WDR72: variants seen among roughly 807,000 people sequenced by gnomAD.
WDR72 encodes WD repeat-containing protein 72.
Under a neutral mutation model 124.2 loss-of-function variants are expected in WDR72, and 120 were observed. The observed-to-expected ratio is 0.97, with a 90% confidence interval of 0.83 to 1.12. The LOEUF (loss-of-function observed/expected upper bound fraction) is 1.12, where lower values mean the gene tolerates loss of function less well. WDR72 is among the 50% of genes most tolerant of loss of function. The pLI is 0.00. For synonymous variants in WDR72, 452 were observed against 441.7 expected (o/e 1.02, Z -0.29); for missense variants, 1,387 against 1,278.8 (o/e 1.08, Z -1.29).
chr15:53,525,511 G>T (rs1892064729), intron 18 of WDR72, among the ~76,000 whole-genome samples: 1 of 151,906 alleles, frequency 6.6e-6, no homozygotes, highest in Non-Finnish European at 1.5e-5. Flanking sequence ...TAAATATTCA[G>T]AAGATACTGT....
At chr15:53,750,272 G>A (rs757628439) in intron 1 of WDR72, among the ~76,000 whole-genome samples, 5 of 152,058 alleles carry the variant, frequency 3.3e-5, no homozygotes, top group Non-Finnish European at 5.9e-5. Context: ...CAATTCTAGG[G>A]CCCTTAAGAA....
intron 14 of WDR72, among the ~76,000 whole-genome samples, chr15:53,647,013 A>C (rs1441633722): frequency 6.6e-6 from 1 of 152,148 alleles, no homozygotes; most frequent in Non-Finnish European, 1.5e-5. Context: ...AAAGGTAAGG[A>C]CACTATTAGT....
chr15:53,631,022 A>G (rs1382621062), intron 14 of WDR72, among the ~76,000 whole-genome samples: 1 of 152,258 alleles, frequency 6.6e-6, no homozygotes, highest in Non-Finnish European at 1.5e-5. Context: ...GTTGTAGTAC[A>G]CAATATCAAT....
chr15:53,759,082 C>T (rs898736), intron 1 of WDR72, among the ~76,000 whole-genome samples: 76,056 of 151,864 alleles, frequency 0.5, 20,498 homozygotes, highest in Middle Eastern at 0.67. Flanking sequence ...GTTTCGCCAG[C>T]CCCCGTCCCC....
intron 7 of WDR72, among the ~76,000 whole-genome samples, chr15:53,712,064 A>T (rs2017554810): frequency 6.6e-6 from 1 of 152,220 alleles, no homozygotes; most frequent in African/African-American, 2.4e-5. Flanking sequence ...AAGTAGAAAA[A>T]GTAAAACATC....
chr15:53,629,199 AGAGAGAGAGAGAGT>A (rs910969921), intron 14 of WDR72, among the ~76,000 whole-genome samples: 10 of 148,346 alleles, frequency 6.7e-5, no homozygotes, highest in East Asian at 1.9e-4. Context: ...AGCGAGAGAG[AGAGAGAGAGAGAGT>A]GAGAGAGAGA....
chr15:53,699,762 C>G lies in WDR72; in HGVS notation c.1753G>C (p.Glu585Gln). The stretch of plus-strand genomic sequence containing the variant: ...AATTTCAACTTACCTGTTTCAATTT[C>G]CCAGATATAAACTGAGTCATCTGCA... Reference protein sequence around the residue: ...GCADDSVYIWEIETGTLERHE... With the variant: ...GCADDSVYIWQIETGTLERHE... Residue 585 changes from glutamate (E) to glutamine (Q), a missense_variant, in exon 13 of 20, where the codon GAA becomes CAA. Physicochemically the swap from Glu to Gln is conservative, Grantham distance 29. Transcript: ENST00000360509. 6.2e-7 allele frequency: 1 copy of G among 1,614,082 alleles called. No individual in the cohort carries two copies. The highest frequency in any genetic ancestry group is 8.5e-7 in the Non-Finnish European group (1 of 1,179,992).
At chr15:53,698,287 T>A (rs1595858374) in intron 13 of WDR72, among the ~76,000 whole-genome samples, 1 of 152,230 alleles carries the variant, frequency 6.6e-6, no homozygotes, top group Admixed American at 6.5e-5. Flanking sequence ...TTATTTATTC[T>A]TGCTGGATTC....
intron 14 of WDR72, among the ~76,000 whole-genome samples, chr15:53,650,037 C>A (rs572086816): frequency 4.6e-5 from 7 of 152,090 alleles, no homozygotes; most frequent in Non-Finnish European, 7.4e-5. Context: ...TGGAAATAAT[C>A]TAAAAGTTCA....
Position 53,523,239 on chromosome 15 carries a change from A to G in WDR72, c.3232T>C (p.Leu1078=). The G allele has an allele frequency of 6.2e-7, 1 of 1,613,122 alleles. No individual in the cohort carries two copies. The highest frequency in any genetic ancestry group is 1.1e-5 in the South Asian group (1 of 91,064). The change falls in exon 19 of 20, where the codon TTG becomes CTG. Residue 1078 remains leucine, a synonymous_variant. Coordinates refer to ENST00000360509, the MANE Select transcript of WDR72 (RefSeq NM_182758.4). The part of the protein sequence containing the change: ...DVEDMPDRCA[L]EESESPGEPR... The stretch of plus-strand genomic sequence containing the variant: ...TCACCTGGACTCTCAGACTCTTCCA[A>G]GGCACATCTGTCAGGCATGTCCTCC...
Position 53,759,119 on chromosome 15 carries a change from A to T in WDR72, c.-13+514T>A, listed in dbSNP as rs1595893524. Among the ~76,000 whole-genome samples the T allele has an allele frequency of 2.6e-5, 4 of 152,250 alleles. No individual in the cohort carries two copies. The South Asian group carries it at 8.3e-4, about 32-fold the overall frequency. Reference sequence around the variant, plus strand: ...CAGCCCCAAGCTGTCACACCCCAGCAGGCTTAGGCCCACCCGGTCGTTTTC... The same window carrying T: ...CAGCCCCAAGCTGTCACACCCCAGCTGGCTTAGGCCCACCCGGTCGTTTTC... On this transcript the variant is annotated intron_variant, in intron 1 of 19. Coordinates refer to ENST00000360509, the MANE Select transcript of WDR72 (RefSeq NM_182758.4).
At chr15:53,704,191 G>GA (rs1352590017) in intron 11 of WDR72, among the ~76,000 whole-genome samples, 3 of 152,054 alleles carry the variant, frequency 2.0e-5, no homozygotes, top group Non-Finnish European at 4.4e-5. Context: ...CTAAAAACTA[G>GA]AAAACCTACA....
chr15:53,573,838 G>A lies in WDR72; in HGVS notation c.3148+23241C>T, dbSNP rs141586451. 3.4e-3 allele frequency among the ~76,000 whole-genome samples: 511 copies of A among 152,310 alleles called. 1 individual carries two copies. Among genetic ancestry groups the A allele is most frequent in the African/African-American group, 0.011 (472 of 41,580 alleles). On this transcript the variant is annotated intron_variant, in intron 18 of 19. Transcript: ENST00000360509. ...TGGGATTACAGGCGTGAGCCACGGC[G>A]CCCAGCCAACATCAACTGTTTCATT...
At chr15:53,551,396 A>G (rs1259742309) in intron 18 of WDR72, among the ~76,000 whole-genome samples, 1 of 152,180 alleles carries the variant, frequency 6.6e-6, no homozygotes, top group East Asian at 1.9e-4. Context: ...TGCTGTAAGA[A>G]ATATGTCTTG....
chr15:53,615,508 T>A lies in WDR72; in HGVS notation c.2698A>T (p.Thr900Ser). The change falls in exon 15 of 20, where the codon ACT (threonine) becomes TCT (serine). Residue 900 changes from threonine to serine, a missense_variant. By Grantham distance (58) the Thr-to-Ser change is moderately conservative. Coordinates refer to ENST00000360509, the MANE Select transcript of WDR72 (RefSeq NM_182758.4). ...NNCDSLRESD[T>S]IVYLLSRLFL... Reference sequence around the variant, plus strand: ...AGTCTGCTCAACAAATAAACTATAGTATCTGACTCTCGCAAAGAATCACAA... The same window carrying A: ...AGTCTGCTCAACAAATAAACTATAGAATCTGACTCTCGCAAAGAATCACAA... The A allele has an allele frequency of 6.2e-7, 1 of 1,612,802 alleles. No individual in the cohort carries two copies. The highest frequency in any genetic ancestry group is 8.5e-7 in the Non-Finnish European group (1 of 1,179,344).
In WDR72 at chr15:53,567,948, CAA is replaced by C. The variant is rs1457268247; in HGVS notation, c.3148+29129_3148+29130del. The stretch of plus-strand genomic sequence containing the variant: ...TAAATTCAATATTCCTCCATTTCAT[CAA>C]GTTTTATCTCAAACATTAATTGCAT... On this transcript the variant is annotated intron_variant, in intron 18 of 19. Coordinates refer to ENST00000360509, the MANE Select transcript of WDR72 (RefSeq NM_182758.4). Among the ~76,000 whole-genome samples the C allele has an allele frequency of 5.3e-5, 8 of 150,506 alleles. No homozygotes were observed. The East Asian group carries it at 1.2e-3, about 22-fold the overall frequency.
rs557339391 is a variant in WDR72, at chr15:53,633,612, A to G, written c.1963-17369T>C. ...AGAAATCATGAATATTTATGTATCTAACAGCATAGTCTCTGGATATAATTA... is the reference window on the plus strand; with the variant it reads ...AGAAATCATGAATATTTATGTATCTGACAGCATAGTCTCTGGATATAATTA... On this transcript the variant is annotated intron_variant, in intron 14 of 19. Coordinates refer to ENST00000360509, the MANE Select transcript of WDR72 (RefSeq NM_182758.4). Among the ~76,000 whole-genome samples the G allele has an allele frequency of 3.3e-5, 5 of 152,350 alleles. No individual in the cohort carries two copies. In the South Asian group the frequency reaches 1.0e-3, roughly 32 times the overall value.
At chr15:53,743,226 G>T (rs1046766130) in intron 1 of WDR72, among the ~76,000 whole-genome samples, 1 of 151,906 alleles carries the variant, frequency 6.6e-6, no homozygotes, top group Admixed American at 6.6e-5. Context: ...TTTATTTTAG[G>T]TGTAATAATT....
At chr15:53,526,248 G>C (rs1004592722) in intron 18 of WDR72, among the ~76,000 whole-genome samples, 1 of 152,064 alleles carries the variant, frequency 6.6e-6, no homozygotes, top group Non-Finnish European at 1.5e-5. Flanking sequence ...GACATTCTAA[G>C]AGGGACATGG....
Sources: gnomAD v4.1 joint callset for allele counts (sites outside exome capture counted in the v4.1 genomes callset) on GRCh38, gnomAD v4.1.1 for gene constraint, MANE v1.5 for transcripts, NCBI Gene and HGNC (gene_info 2026-07-23, HGNC 2026-07-21) for gene names.